The following UBR4 variants were observed in gnomAD, a reference collection of about 807,000 sequenced individuals.
UBR4 encodes the protein ubiquitin protein ligase E3 component n-recognin 4.
In UBR4, 124 loss-of-function variants were observed where a neutral mutation model predicts 575.6. That is an observed-to-expected ratio of 0.22 (90% confidence interval 0.19 to 0.25). The LOEUF (loss-of-function observed/expected upper bound fraction) is 0.25. UBR4 is among the 10% of genes least tolerant of loss of function. The pLI, the probability that UBR4 is intolerant of heterozygous loss-of-function variation, is 1.00. For missense variants in UBR4, 4,818 were observed against 6,478.8 expected (o/e 0.74, Z 8.80); for synonymous variants, 2,455 against 2,473.7 (o/e 0.99, Z 0.22).
At chr1:19,120,647 AC>A (rs909298378) in intron 68 of UBR4, among the ~76,000 whole-genome samples, 4 of 152,232 alleles carry the variant, frequency 2.6e-5, no homozygotes, top group Non-Finnish European at 5.9e-5. Context: ...CTGGCACTGA[AC>A]AAATACAGTG....
chr1:19,105,172 C>T lies in UBR4; in HGVS notation c.12521G>A (p.Ser4174Asn), dbSNP rs1160523291. ...DLLTSYLDEL[S>N]IAGECAAEYL... The stretch of plus-strand genomic sequence containing the variant: ...CTCAGCTGCACACTCCCCAGCTATG[C>T]TCAGCTCATCCAGGTAACTGCCACC... The change falls in exon 85 of 106, where the codon AGC becomes AAC. Residue 4174 changes from serine to asparagine, a missense_variant. Transcript: ENST00000375254. 4 of 1,613,240 alleles carry T rather than the reference C, an allele frequency of 2.5e-6. No homozygotes were observed. The highest frequency in any genetic ancestry group is 3.4e-6 in the Non-Finnish European group (4 of 1,179,678).
chr1:19,102,360 G>A (rs2078724862), intron 87 of UBR4, among the ~76,000 whole-genome samples: 2 of 150,836 alleles, frequency 1.3e-5, no homozygotes, highest in Middle Eastern at 6.9e-3. Context: ...GTGAAACTTC[G>A]GGAAAAAAAA....
intron 60 of UBR4, among the ~76,000 whole-genome samples, chr1:19,137,079 A>T (rs1409405126): frequency 2.0e-5 from 3 of 152,102 alleles, no homozygotes; most frequent in Non-Finnish European, 2.9e-5. Flanking sequence ...TGAGTGGATC[A>T]CTTGAGCTCA....
intron 99 of UBR4, 31 bp from the exon 100 acceptor site, chr1:19,086,852 G>A (rs1203694136): frequency 6.8e-6 from 11 of 1,610,842 alleles, no homozygotes; most frequent in Non-Finnish European, 8.5e-6. Context: ...GGAGAGGGGA[G>A]GAGAAACTCC....
intron 43 of UBR4, 58 bp downstream of exon 43, chr1:19,155,383 G>GGATTTAATTATTT: frequency 6.8e-7 from 1 of 1,478,692 alleles, no homozygotes; most frequent in Non-Finnish European, 9.3e-7. Flanking sequence ...AAAAAGAATA[G>GGATTTAATTATTT]AGGAGTTGCT....
chr1:19,192,458 GC>G (rs774966150), intron 10 of UBR4, 22 bp downstream of exon 10: 16 of 1,614,052 alleles, frequency 9.9e-6, no homozygotes, highest in Admixed American at 1.7e-5. Context: ...GAAGTATGCA[GC>G]AGAGACAGAT....
In UBR4 at chr1:19,161,144, G is replaced by A. The variant is rs1281146617; in HGVS notation, c.5179C>T (p.Leu1727=). 1.2e-6 allele frequency: 2 copies of A among 1,613,728 alleles called. No homozygotes were observed. Among genetic ancestry groups the A allele is most frequent in the Non-Finnish European group, 8.5e-7 (1 of 1,179,908 alleles). The part of the protein sequence containing the change: ...GAKEDGSCLA[L]VKRTPSSGMS... The stretch of plus-strand genomic sequence containing the variant: ...CCACTGCTAGGAGTTCTCTTCACCA[G>A]AGCCTAGGGACAGAAAATGTCAGAG... Residue 1727 remains leucine, a synonymous_variant, in exon 38 of 106, where the codon CTG becomes TTG. Coordinates refer to ENST00000375254, the MANE Select transcript of UBR4 (RefSeq NM_020765.3).
At chr1:19,083,944 A>T (rs1214615139) in intron 102 of UBR4, among the ~76,000 whole-genome samples, 9 of 152,176 alleles carry the variant, frequency 5.9e-5, no homozygotes, top group African/African-American at 2.2e-4. Context: ...TTCCCAGATA[A>T]TCTTGAACAT....
At chr1:19,095,463 C>T in intron 93 of UBR4, 82 bp downstream of exon 93, 1 of 1,343,734 alleles carries the variant, frequency 7.4e-7, no homozygotes, top group East Asian at 2.3e-5. Flanking sequence ...GAGTCCATTT[C>T]ATCTGAGCCC....
At chr1:19,154,895 G>A (rs375522615) in intron 44 of UBR4, 23 bp downstream of exon 44, 1 of 1,613,884 alleles carries the variant, frequency 6.2e-7, no homozygotes, top group African/African-American at 1.3e-5. Context: ...TGCGGAAGTT[G>A]AACATTAAAT....
chr1:19,189,473 C>T (rs535828078), intron 11 of UBR4, among the ~76,000 whole-genome samples: 2 of 152,296 alleles, frequency 1.3e-5, no homozygotes, highest in African/African-American at 2.4e-5. Context: ...TGGAATACTG[C>T]TGGCCATTAA....
rs1297443294 is a variant in UBR4, at chr1:19,118,915, G to C, written c.10498C>G (p.Gln3500Glu). 1 of 1,614,190 alleles carries C rather than the reference G, an allele frequency of 6.2e-7. No individual in the cohort carries two copies. Among genetic ancestry groups the C allele is most frequent in the East Asian group, 2.2e-5 (1 of 44,888 alleles). ...SQKAVEILRT[Q>E]NHILTNHPNS... ...GGGTGGTTGGTAAGAATATGGTTTT[G>C]AGTCCGCAGAATCTCCACAGCCTTC... is the stretch of plus-strand genomic sequence containing the variant. Residue 3500 changes from glutamine to glutamate, a missense_variant, in exon 71 of 106, where the codon CAA becomes GAA. By Grantham distance (29) the Gln-to-Glu change is conservative (BLOSUM62 2). Around this residue, in one of 29 missense-constraint regions of UBR4, gnomAD observed 550 missense variants for 791.5 expected, o/e 0.69. Coordinates refer to ENST00000375254, the MANE Select transcript of UBR4 (RefSeq NM_020765.3).
At chr1:19,092,710 A>C in intron 97 of UBR4, 109 bp downstream of exon 97, 1 of 860,536 alleles carries the variant, frequency 1.2e-6, no homozygotes, top group Non-Finnish European at 1.7e-6. Context: ...TCTGAGGCTC[A>C]CTTCTACTCT....
At chr1:19,095,484 G>A in intron 93 of UBR4, 61 bp downstream of exon 93, 2 of 1,487,438 alleles carry the variant, frequency 1.3e-6, no homozygotes, top group Middle Eastern at 2.3e-4. Context: ...AGAACTGAGA[G>A]GTCTTTCACA....
intron 81 of UBR4, among the ~76,000 whole-genome samples, chr1:19,109,692 T>C (rs1409587017): frequency 6.6e-6 from 1 of 152,268 alleles, no homozygotes; most frequent in Non-Finnish European, 1.5e-5. Flanking sequence ...CCCAACATCA[T>C]GATGCTAATA....
chr1:19,197,064 A>C, intron 8 of UBR4, 77 bp downstream of exon 8: 1 of 1,544,366 alleles, frequency 6.5e-7, no homozygotes, highest in Non-Finnish European at 8.8e-7. Flanking sequence ...TAGAGTATTC[A>C]GGAGGATTTT....
At chr1:19,204,030 G>A (rs189993853) in intron 1 of UBR4, among the ~76,000 whole-genome samples, 23 of 152,108 alleles carry the variant, frequency 1.5e-4, no homozygotes, top group Non-Finnish European at 2.4e-4. Context: ...ACAGAGTCTC[G>A]CTCTGTCGCC....
Position 19,120,170 on chromosome 1 carries a change from C to T in UBR4, c.10310+10G>A. Reference sequence around the variant, plus strand: ...CCTTGCAGATCTGTCAAACCAAGCCCTGGCCCTACCTGTAGATGTGCAGTG... The same window carrying T: ...CCTTGCAGATCTGTCAAACCAAGCCTTGGCCCTACCTGTAGATGTGCAGTG... On this transcript the variant is annotated intron_variant, in intron 69 of 105. Transcript: ENST00000375254. 6.2e-7 allele frequency: 1 copy of T among 1,613,516 alleles called. No homozygotes were observed. Among genetic ancestry groups the T allele is most frequent in the South Asian group, 1.1e-5 (1 of 91,062 alleles).
intron 55 of UBR4, among the ~76,000 whole-genome samples, chr1:19,142,351 A>G (rs2084040109): frequency 6.6e-6 from 1 of 152,214 alleles, no homozygotes; most frequent in South Asian, 2.1e-4. Flanking sequence ...AGGCCTTCTA[A>G]TAAGGAAGAT....
Sources: allele counts gnomAD v4.1 joint callset (sites outside exome capture counted in the v4.1 genomes callset), GRCh38; gene constraint gnomAD v4.1.1; regional missense constraint gnomAD v4.1.1; transcripts MANE v1.5; gene names NCBI Gene and HGNC (gene_info 2026-07-23, HGNC 2026-07-21).